The following SUCLG2 variants were observed in gnomAD, a reference collection of about 807,000 sequenced individuals.
SUCLG2 encodes the protein succinate-CoA ligase GDP-forming subunit beta.
A neutral mutation model predicts 47.9 loss-of-function variants in SUCLG2; 42 were observed. That is an observed-to-expected ratio of 0.88 (90% CI 0.69 to 1.14). The LOEUF (loss-of-function observed/expected upper bound fraction) is 1.14, where lower values mean the gene tolerates loss of function less well. Among genes scored for constraint, SUCLG2 ranks in the 50% most tolerant of loss-of-function variants. The probability of loss-of-function intolerance (pLI) is 0.00; values close to 1 mark genes in which losing one functional copy is unlikely to be tolerated. For missense variants in SUCLG2, 571 were observed against 525.9 expected, an observed-to-expected ratio of 1.09 and a Z score of -0.84; for synonymous variants, 195 against 197.3, an observed-to-expected ratio of 0.99 and a Z score of 0.10.
chr3:67,638,732 G>A (rs1327638613), intron 1 of SUCLG2, among the ~76,000 whole-genome samples: 1 of 152,224 alleles, frequency 6.6e-6, no homozygotes, highest in Admixed American at 6.5e-5. Flanking sequence ...TGACAGGTGG[G>A]TGTTCAAATC....
In SUCLG2 at chr3:67,626,019, T is replaced by TA. The variant is rs543441710; in HGVS notation, c.85-16424_85-16423insT. On this transcript the variant is annotated intron_variant, in intron 1 of 10. Transcript: ENST00000307227. The stretch of plus-strand genomic sequence containing the variant: ...GTAGGAGTAGCTACATATATATATA[T>TA]TTACATTTTTTTTTTTTTTGAGATG... Among the ~76,000 whole-genome samples, 546 of 132,824 alleles carry TA rather than the reference T, an allele frequency of 4.1e-3. 3 individuals carry two copies. Among genetic ancestry groups the TA allele is most frequent in the African/African-American group, 0.014 (514 of 35,532 alleles). 87.1% of individuals were successfully genotyped at this position (132,824 alleles called of 152,430 possible). A position where few individuals can be genotyped will look rare whatever the true frequency, so the allele number is the denominator to read the frequency against.
At chr3:67,379,189 C>CTTA (rs1702098217) in intron 10 of SUCLG2, among the ~76,000 whole-genome samples, 1 of 152,154 alleles carries the variant, frequency 6.6e-6, no homozygotes, top group African/African-American at 2.4e-5. Context: ...TCAAGTGATC[C>CTTA]ACTTGCCTCG....
At chr3:67,471,528 C>T (rs1022111947) in intron 9 of SUCLG2, among the ~76,000 whole-genome samples, 1 of 152,120 alleles carries the variant, frequency 6.6e-6, no homozygotes, top group African/African-American at 2.4e-5. Context: ...TCTACAGTTA[C>T]AGGGAAAGTA....
chr3:67,548,649 G>C (rs1307517486), intron 2 of SUCLG2, among the ~76,000 whole-genome samples: 1 of 152,162 alleles, frequency 6.6e-6, no homozygotes, highest in East Asian at 1.9e-4. Context: ...GCATATACTT[G>C]TATGACTCAA....
chr3:67,463,793 C>T (rs977576443), intron 9 of SUCLG2, among the ~76,000 whole-genome samples: 1 of 152,116 alleles, frequency 6.6e-6, no homozygotes, highest in Non-Finnish European at 1.5e-5. Flanking sequence ...GGCCGGGGGC[C>T]GTCTTGAAAT....
At chr3:67,648,018 G>A (rs190751253) in intron 1 of SUCLG2, among the ~76,000 whole-genome samples, 20 of 152,310 alleles carry the variant, frequency 1.3e-4, no homozygotes, top group African/African-American at 4.8e-4. Flanking sequence ...AGCGAATTTA[G>A]CTTCAAATTC....
chr3:67,437,427 A>G (rs1269876620), intron 9 of SUCLG2, among the ~76,000 whole-genome samples: 1 of 152,222 alleles, frequency 6.6e-6, no homozygotes, highest in Non-Finnish European at 1.5e-5. Flanking sequence ...CTACAAGGCT[A>G]AATGATACGA....
intron 9 of SUCLG2, among the ~76,000 whole-genome samples, chr3:67,448,943 C>A (rs1377383405): frequency 6.6e-6 from 1 of 151,902 alleles, no homozygotes; most frequent in Non-Finnish European, 1.5e-5. Flanking sequence ...TAGTAATGAA[C>A]ACAGAATTGT....
intron 2 of SUCLG2, among the ~76,000 whole-genome samples, chr3:67,594,971 C>T (rs1357615972): frequency 6.6e-6 from 1 of 152,128 alleles, no homozygotes; most frequent in African/African-American, 2.4e-5. Flanking sequence ...AGATCAGACT[C>T]CAATAACGAT....
downstream of SUCLG2, chr3:67,374,658 T>C: frequency 7.2e-6 from 5 of 689,912 alleles, no homozygotes; most frequent in Non-Finnish European, 8.9e-6. Context: ...ACTAGTGTCT[T>C]TGTAAAAAAA....
chr3:67,515,968 C>A (rs573847083), intron 6 of SUCLG2, among the ~76,000 whole-genome samples: 4 of 152,154 alleles, frequency 2.6e-5, no homozygotes, highest in Admixed American at 1.3e-4. Flanking sequence ...CCCCCTCCCC[C>A]ACTCTCTCCT....
chr3:67,540,006 A>T (rs1372536950), intron 2 of SUCLG2, among the ~76,000 whole-genome samples: 1 of 151,554 alleles, frequency 6.6e-6, no homozygotes, highest in African/African-American at 2.4e-5. Flanking sequence ...CAAAAAAAAC[A>T]GCTCCCGGAT....
At chr3:67,370,938 C>T (rs535605453), downstream of SUCLG2, among the ~76,000 whole-genome samples, 1 of 152,076 alleles carries the variant, frequency 6.6e-6, no homozygotes, top group African/African-American at 2.4e-5. Context: ...ATACAAGGTC[C>T]TTCAAAAATT....
At chr3:67,508,674 C>G (rs1705705690) in intron 7 of SUCLG2, 133 bp downstream of exon 7, 1 of 711,888 alleles carries the variant, frequency 1.4e-6, no homozygotes, top group African/African-American at 1.8e-5. Flanking sequence ...GGGAGCATTT[C>G]AAACTATGGC....
chr3:67,576,616 G>A (rs1332928812), intron 2 of SUCLG2, among the ~76,000 whole-genome samples: 2 of 152,180 alleles, frequency 1.3e-5, no homozygotes, highest in Non-Finnish European at 2.9e-5. Flanking sequence ...TGAGACAACT[G>A]CTCTGCTATG....
At chr3:67,511,880 T>C (rs1705802629) in intron 6 of SUCLG2, among the ~76,000 whole-genome samples, 1 of 150,814 alleles carries the variant, frequency 6.6e-6, no homozygotes, top group Non-Finnish European at 1.5e-5. Context: ...CAAGAGAGTG[T>C]TGCTTTGTCA....
intron 7 of SUCLG2, among the ~76,000 whole-genome samples, chr3:67,505,075 T>C (rs1358789685): frequency 3.3e-5 from 5 of 152,234 alleles, no homozygotes; most frequent in East Asian, 3.8e-4. Flanking sequence ...TCCTATACCA[T>C]ATGATTCTTG....
chr3:67,557,490 C>T (rs1304570058), intron 2 of SUCLG2, among the ~76,000 whole-genome samples: 1 of 152,176 alleles, frequency 6.6e-6, no homozygotes, highest in African/African-American at 2.4e-5. Context: ...ATAAAAAGCA[C>T]AGATGACATC....
intron 10 of SUCLG2, among the ~76,000 whole-genome samples, chr3:67,391,943 C>A (rs964674183): frequency 6.6e-6 from 1 of 152,200 alleles, no homozygotes; most frequent in Non-Finnish European, 1.5e-5. Context: ...CCCACCTCCA[C>A]CCACAGCCTG....
Sources: allele counts gnomAD v4.1 joint callset (sites outside exome capture counted in the v4.1 genomes callset), GRCh38; gene constraint gnomAD v4.1.1; transcripts MANE v1.5; gene names NCBI Gene and HGNC (gene_info 2026-07-23, HGNC 2026-07-21).